The following HSD11B1 variants were observed in gnomAD, a reference collection of about 807,000 sequenced individuals.
HSD11B1 encodes hydroxysteroid 11-beta dehydrogenase 1.
In HSD11B1, 15 loss-of-function variants were observed where a neutral mutation model predicts 22.1. That is an observed-to-expected ratio of 0.68 (90% CI 0.45 to 1.04). The LOEUF is 1.04. HSD11B1 is among the 50% of genes least tolerant of loss of function. The probability of loss-of-function intolerance (pLI) is 0.00; values close to 1 mark genes in which losing one functional copy is unlikely to be tolerated. For missense variants in HSD11B1, 281 were observed against 357.6 expected (o/e 0.79, Z 1.73); for synonymous variants, 122 against 125.2 (o/e 0.97, Z 0.17).
chr1:209,703,633 G>A (rs2076837849), upstream of HSD11B1, among the ~76,000 whole-genome samples: 2 of 152,068 alleles, frequency 1.3e-5, 1 homozygote, highest in South Asian at 4.1e-4. Context: ...GTGAAAATTT[G>A]ATGAATGTTT....
intron 1 of HSD11B1, among the ~76,000 whole-genome samples, chr1:209,693,218 G>C (rs1231413340): frequency 2.6e-5 from 4 of 152,172 alleles, no homozygotes; most frequent in Admixed American, 2.6e-4. Context: ...CCTCCCATCA[G>C]ATATAAAATA....
At chr1:209,718,877 G>A (rs1314739233) in intron 4 of HSD11B1, among the ~76,000 whole-genome samples, 2 of 151,904 alleles carry the variant, frequency 1.3e-5, no homozygotes, top group Non-Finnish European at 2.9e-5. Context: ...AAAATTAGCT[G>A]GGCATGGTGG....
chr1:209,733,910 A>T (rs2077050541), intron 5 of HSD11B1, among the ~76,000 whole-genome samples: 1 of 152,192 alleles, frequency 6.6e-6, no homozygotes, highest in Non-Finnish European at 1.5e-5. Context: ...AGTCATTATC[A>T]TACAGCACTC....
At chr1:209,697,432 C>T (rs778314477) in intron 1 of HSD11B1, among the ~76,000 whole-genome samples, 1 of 152,242 alleles carries the variant, frequency 6.6e-6, no homozygotes, top group Non-Finnish European at 1.5e-5. Context: ...GCCCGTCCCA[C>T]ATGTAGAATG....
intron 4 of HSD11B1, among the ~76,000 whole-genome samples, chr1:209,719,242 T>A (rs1010757073): frequency 2.0e-5 from 3 of 152,096 alleles, no homozygotes; most frequent in Non-Finnish European, 4.4e-5. Context: ...TTCTGACACA[T>A]GCTACAACAT....
At position 209,705,082 on chromosome 1, in the gene HSD11B1, G is replaced by C. The variant is rs752744526; in HGVS notation, c.88+52G>C. Reference sequence around the variant, plus strand: ...AGGAATAGGTTTAAAAAACACAGGGGTGCTTGAGTGTTCCTGAGGACCAAG... The same window carrying C: ...AGGAATAGGTTTAAAAAACACAGGGCTGCTTGAGTGTTCCTGAGGACCAAG... On this transcript the variant is annotated intron_variant, in intron 1 of 5. Transcript: ENST00000367027. 8 of 1,362,182 alleles carry C rather than the reference G, an allele frequency of 5.9e-6. 1 individual carries two copies. The highest frequency in any genetic ancestry group is 8.4e-6 in the Non-Finnish European group (8 of 950,714). 84.4% of individuals were successfully genotyped at this position (1,362,182 alleles called of 1,614,324 possible).
At chr1:209,730,915 G>C (rs2077031664) in intron 4 of HSD11B1, among the ~76,000 whole-genome samples, 2 of 152,298 alleles carry the variant, frequency 1.3e-5, no homozygotes, top group Admixed American at 6.5e-5. Context: ...GATTAACCAA[G>C]AGCAGATAGA....
At chr1:209,698,167 TTAGATAGATAGATAGATAGATAGATAGA>T (rs3059689) in intron 1 of HSD11B1, among the ~76,000 whole-genome samples, 4 of 146,700 alleles carry the variant, frequency 2.7e-5, no homozygotes, top group South Asian at 2.2e-4. Flanking sequence ...GATAGATAGA[TTAGATAGATAGATAGATAGATAGATAGA>T]TAGATAGATA....
In HSD11B1 at chr1:209,713,547, T is replaced by C. The variant is rs552955503; in HGVS notation, c.517+6419T>C. On this transcript the variant is annotated intron_variant, in intron 4 of 5. Transcript: ENST00000367027. ...TCTTGCTGTGCTTCCTTCTTTTAAATATAATCATATACACACACCCTCAAT... is the reference window on the plus strand; with the variant it reads ...TCTTGCTGTGCTTCCTTCTTTTAAACATAATCATATACACACACCCTCAAT... 6.6e-5 allele frequency among the ~76,000 whole-genome samples: 10 copies of C among 152,334 alleles called. No homozygotes were observed. In the South Asian group the frequency reaches 1.9e-3, roughly 28 times the overall value.
At chr1:209,689,634 T>C (rs775077743) in intron 1 of HSD11B1, among the ~76,000 whole-genome samples, 7 of 152,156 alleles carry the variant, frequency 4.6e-5, no homozygotes, top group Non-Finnish European at 1.0e-4. Flanking sequence ...CTGCAAGAAC[T>C]GGTTGTTCAA....
chr1:209,707,160 G>GA (rs1571873220), intron 4 of HSD11B1, 32 bp downstream of exon 4: 1 of 1,532,204 alleles, frequency 6.5e-7, no homozygotes. Context: ...GTGGAAGGTA[G>GA]AAGAAAAAAA....
At chr1:209,689,636 G>C (rs911903160) in intron 1 of HSD11B1, among the ~76,000 whole-genome samples, 1 of 152,122 alleles carries the variant, frequency 6.6e-6, no homozygotes, top group Non-Finnish European at 1.5e-5. Flanking sequence ...GCAAGAACTG[G>C]TTGTTCAAAG....
At chr1:209,713,274 T>C (rs1278441825) in intron 4 of HSD11B1, among the ~76,000 whole-genome samples, 1 of 152,226 alleles carries the variant, frequency 6.6e-6, no homozygotes, top group Non-Finnish European at 1.5e-5. Flanking sequence ...TGTATCTATA[T>C]CTCTGGAAGG....
At chr1:209,705,765 G>T (rs1316574514) in intron 1 of HSD11B1, 46 bp from the exon 2 acceptor site, 2 of 1,611,004 alleles carry the variant, frequency 1.2e-6, no homozygotes, top group Non-Finnish European at 1.7e-6. Flanking sequence ...AAGGAATTTT[G>T]CTGCCAACTT....
intron 1 of HSD11B1, among the ~76,000 whole-genome samples, chr1:209,688,103 GC>G (rs2076738775): frequency 6.6e-6 from 1 of 152,168 alleles, no homozygotes; most frequent in African/African-American, 2.4e-5. Context: ...GAGAGACATG[GC>G]TAGTTCAGTG....
At chr1:209,727,399 A>T (rs959041436) in intron 4 of HSD11B1, among the ~76,000 whole-genome samples, 1 of 152,248 alleles carries the variant, frequency 6.6e-6, no homozygotes, top group Non-Finnish European at 1.5e-5. Context: ...GGAAATGAAT[A>T]CAAAGGGACT....
At chr1:209,693,191 C>T (rs998200101) in intron 1 of HSD11B1, among the ~76,000 whole-genome samples, 2 of 152,116 alleles carry the variant, frequency 1.3e-5, no homozygotes, top group Non-Finnish European at 2.9e-5. Flanking sequence ...GTTGCCAAAC[C>T]CTCAAATTTC....
chr1:209,697,883 C>CTTTTTTTTTT (rs1558187212), intron 1 of HSD11B1, among the ~76,000 whole-genome samples: 22 of 21,936 alleles, frequency 1.0e-3, no homozygotes, highest in African/African-American at 1.5e-3. Flanking sequence ...TTTGTTTTTT[C>CTTTTTTTTTT]CTTTTTTTTT....
At chr1:209,709,389 G>C (rs1407783795) in intron 4 of HSD11B1, among the ~76,000 whole-genome samples, 1 of 152,004 alleles carries the variant, frequency 6.6e-6, no homozygotes, top group Non-Finnish European at 1.5e-5. Flanking sequence ...ACCTTTTCTT[G>C]GCACCTATTG....
Sources: gnomAD v4.1 joint callset for allele counts (sites outside exome capture counted in the v4.1 genomes callset) on GRCh38, gnomAD v4.1.1 for gene constraint, MANE v1.5 for transcripts, NCBI Gene and HGNC (gene_info 2026-07-23, HGNC 2026-07-21) for gene names.